The following CIT variants were observed in gnomAD, a reference collection of about 807,000 sequenced individuals.
CIT encodes the protein citron Rho-interacting kinase.
A neutral mutation model predicts 272.7 loss-of-function variants in CIT; 79 were observed. That is an observed-to-expected ratio of 0.29 (90% confidence interval 0.24 to 0.35). The LOEUF (loss-of-function observed/expected upper bound fraction) is 0.35, where lower values mean the gene tolerates loss of function less well. Ranked by LOEUF, CIT falls within the 10% of genes least tolerant of loss-of-function variation. CIT has a pLI of 1.00. For synonymous variants in CIT, 948 were observed against 995.6 expected, an observed-to-expected ratio of 0.95 and a Z score of 0.90; for missense variants, 1,909 against 2,618.3, an observed-to-expected ratio of 0.73 and a Z score of 5.91.
chr12:119,712,778 CA>C lies in CIT; in HGVS notation c.4580-84del. The C allele has an allele frequency of 1.8e-6, 2 of 1,135,488 alleles. No homozygotes were observed. The highest frequency in any genetic ancestry group is 2.6e-5 in the South Asian group (2 of 75,556). 70.3% of individuals were successfully genotyped at this position (1,135,488 alleles called of 1,614,324 possible). On this transcript the variant is annotated intron_variant, in intron 35 of 47. Transcript: ENST00000392521. The surrounding 1 kb of genome is among the most constrained non-coding windows in gnomAD (Gnocchi z 5.2). ...GGAGAAGAGAGAGCGAGAGAGACAG[CA>C]AGGGAGAGAGAGACAGGGTACGTGT...
chr12:119,784,708 G>C lies in CIT; in HGVS notation c.1401+252C>G, dbSNP rs1306147293. On this transcript the variant is annotated intron_variant, in intron 11 of 47. Transcript: ENST00000392521. The surrounding 1 kb of genome is among the most constrained non-coding windows in gnomAD (Gnocchi z 4.7). ...CCGGAAGAAGCAGACATCTGGCTGG[G>C]TCATGCTGAGAAACGGACTGTTTAA... The C allele has an allele frequency of 8.9e-6, 12 of 1,343,114 alleles. No homozygotes were observed. Among genetic ancestry groups the C allele is most frequent in the East Asian group, 3.0e-5 (1 of 33,668 alleles). The allele number at this position is 1,343,114 out of a possible 1,614,324, so 83.2% of individuals were successfully genotyped here.
intron 9 of CIT, among the ~76,000 whole-genome samples, chr12:119,822,600 AAC>A (rs1187531837): frequency 6.6e-6 from 1 of 152,108 alleles, no homozygotes; most frequent in Non-Finnish European, 1.5e-5. Context: ...AGGCCACATA[AAC>A]ACAGAGTTTG....
chr12:119,750,309 A>G (rs898133205), intron 23 of CIT, among the ~76,000 whole-genome samples: 1 of 152,100 alleles, frequency 6.6e-6, no homozygotes, highest in African/African-American at 2.4e-5. Context: ...ACTCTTATAT[A>G]TCAACTTCAT....
Position 119,690,246 on chromosome 12 carries a change from G to C in CIT, c.6091C>G (p.Arg2031Gly), listed in dbSNP as rs779338485. The C allele has an allele frequency of 6.4e-7, 1 of 1,563,798 alleles. No individual in the cohort carries two copies. Among genetic ancestry groups the C allele is most frequent in the South Asian group, 1.2e-5 (1 of 86,166 alleles). The change falls in exon 47 of 48, where the codon CGG becomes GGG. Residue 2031 changes from arginine to glycine, a missense_variant. Physicochemically the swap from Arg to Gly is moderately radical, Grantham distance 125. Coordinates refer to ENST00000392521, the MANE Select transcript of CIT (RefSeq NM_001206999.2). This position sits in a 1 kb window ranked among gnomAD's most constrained non-coding sequence, Gnocchi z 6.0. The part of the protein sequence containing the change: ...EKSPGRMLST[R>G]RERSPGRLFE... ...AGCCTCCCGGGGGACCGCTCTCTCCGCGTGCTGAGCATCCGGCCGGGGGAC... is the reference window on the plus strand; with the variant it reads ...AGCCTCCCGGGGGACCGCTCTCTCCCCGTGCTGAGCATCCGGCCGGGGGAC...
At chr12:119,851,918 A>G (rs927340090) in intron 4 of CIT, among the ~76,000 whole-genome samples, 3 of 152,144 alleles carry the variant, frequency 2.0e-5, no homozygotes, top group African/African-American at 7.2e-5. Context: ...TTACAGTCCC[A>G]GTTACTCAGG....
chr12:119,748,588 C>T (rs1191184161), intron 23 of CIT, among the ~76,000 whole-genome samples: 2 of 152,198 alleles, frequency 1.3e-5, no homozygotes, highest in Non-Finnish European at 2.9e-5. Flanking sequence ...CGATGGCTTA[C>T]TAATTAATTA....
intron 7 of CIT, among the ~76,000 whole-genome samples, chr12:119,826,152 T>A (rs1003242993): frequency 6.6e-6 from 1 of 152,156 alleles, no homozygotes; most frequent in Non-Finnish European, 1.5e-5. Flanking sequence ...AAAACTGCCT[T>A]TGGAATTAAC....
intron 7 of CIT, among the ~76,000 whole-genome samples, chr12:119,827,531 A>T (rs984673918): frequency 6.6e-6 from 1 of 151,598 alleles, no homozygotes; most frequent in Admixed American, 6.6e-5. Flanking sequence ...TCCTCCTCCC[A>T]GGTTCAAGCA....
At chr12:119,742,489 A>C (rs1959105676) in intron 23 of CIT, 25 bp from the exon 24 acceptor site, 4 of 1,578,298 alleles carry the variant, frequency 2.5e-6, no homozygotes, top group Non-Finnish European at 3.5e-6. Flanking sequence ...GTTGATTATA[A>C]ATTTTTCATA....
rs772600615 is a variant in CIT, at chr12:119,704,410, C to T, written c.5257G>A (p.Val1753Ile). Residue 1753 changes from valine to isoleucine, a missense_variant, in exon 41 of 48, where the codon GTC (valine) becomes ATC (isoleucine). By Grantham distance (29) the Val-to-Ile change is conservative (BLOSUM62 3). Transcript: ENST00000392521. The stretch of plus-strand genomic sequence containing the variant: ...AGGTTTTCGTTGTAGCGGAGAATGA[C>T]GACTTTGCTGGGCATGGCTGCACAG... The part of the protein sequence containing the change: ...CICAAMPSKV[V>I]ILRYNENLSK... 3.6e-5 allele frequency: 58 copies of T among 1,613,962 alleles called. No homozygotes were observed. The highest frequency in any genetic ancestry group is 1.7e-4 in the Middle Eastern group (1 of 6,056).
chr12:119,698,067 C>A lies in CIT; in HGVS notation c.5624-13G>T. On this transcript the variant is annotated splice_polypyrimidine_tract_variant and intron_variant, in intron 44 of 47. Transcript: ENST00000392521. ...GGTTCTCTGTAGGCTGTGTGATCACCATGCAGGCACAGTGTGGGCCAAAGA... is the reference window on the plus strand; with the variant it reads ...GGTTCTCTGTAGGCTGTGTGATCACAATGCAGGCACAGTGTGGGCCAAAGA... 1 of 1,612,100 alleles carries A rather than the reference C, an allele frequency of 6.2e-7. No homozygotes were observed. The highest frequency in any genetic ancestry group is 8.5e-7 in the Non-Finnish European group (1 of 1,178,182).
Position 119,730,612 on chromosome 12 carries a change from C to A in CIT, c.3369G>T (p.Arg1123=). ...EKQSRARADQ[R]ITESRQVVEL... Reference sequence around the variant, plus strand: ...CCACCACCTGGCGAGACTCGGTGATCCGCTGATCGGCTCTCGCCCTGCCAG... The same window carrying A: ...CCACCACCTGGCGAGACTCGGTGATACGCTGATCGGCTCTCGCCCTGCCAG... Residue 1123 remains arginine (R), a synonymous_variant, in exon 27 of 48, where the codon CGG becomes CGT. Coordinates refer to ENST00000392521, the MANE Select transcript of CIT (RefSeq NM_001206999.2). 1.2e-6 allele frequency: 2 copies of A among 1,613,980 alleles called. No homozygotes were observed.
intron 46 of CIT, among the ~76,000 whole-genome samples, chr12:119,693,614 G>T (rs963499237): frequency 1.3e-5 from 2 of 152,182 alleles, no homozygotes; most frequent in Non-Finnish European, 2.9e-5. Flanking sequence ...ACTTAAAAAA[G>T]ATCTAGACAT....
intron 24 of CIT, among the ~76,000 whole-genome samples, chr12:119,736,243 AAAG>A (rs200407374): frequency 0.015 from 2,342 of 152,332 alleles, 64 homozygotes; most frequent in African/African-American, 0.054. Context: ...TACGTAACAA[AAAG>A]AAGGAAATTA....
chr12:119,876,015 G>A (rs900122053), intron 2 of CIT, 58 bp downstream of exon 2: 4 of 1,031,982 alleles, frequency 3.9e-6, no homozygotes, highest in South Asian at 2.6e-5. Context: ...AAAGGTGAGT[G>A]ACAAGGAGAT....
rs994336778 is a variant in CIT at position 119,803,407 on chromosome 12, A to C, written c.1112-18T>G. 1 of 1,524,626 alleles carries C rather than the reference A, an allele frequency of 6.6e-7. No individual in the cohort carries two copies. The highest frequency in any genetic ancestry group is 1.3e-5 in the South Asian group (1 of 79,392). 94.4% of individuals were successfully genotyped at this position (1,524,626 alleles called of 1,614,324 possible). ...GGGAGGAGCTGGTTAAAGAAAAACA[A>C]GAAAGGAGGCGGGGAGGAAAAAAAA... On this transcript the variant is annotated intron_variant, in intron 9 of 47. Transcript: ENST00000392521.
At position 119,851,319 on chromosome 12, in the gene CIT, G is replaced by GT. The variant is rs1323423619; in HGVS notation, c.415-1045dup. Among the ~76,000 whole-genome samples, 5 of 152,288 alleles carry GT rather than the reference G, an allele frequency of 3.3e-5. No homozygotes were observed. In the East Asian group the frequency reaches 9.6e-4, roughly 29 times the overall value. On this transcript the variant is annotated intron_variant, in intron 4 of 47. Transcript: ENST00000392521. The stretch of plus-strand genomic sequence containing the variant: ...GTGTAGGTGGATATATTGTATATAC[G>GT]TATGTGTATTCCTTAGTGCTGTCCA...
chr12:119,872,172 T>C (rs951945879), intron 2 of CIT, among the ~76,000 whole-genome samples: 13 of 152,226 alleles, frequency 8.5e-5, no homozygotes, highest in African/African-American at 3.1e-4. Context: ...TTTCTTAAAA[T>C]GCCCTTTATG....
At chr12:119,792,472 T>TTTTA (rs958845894) in intron 10 of CIT, among the ~76,000 whole-genome samples, 1 of 152,104 alleles carries the variant, frequency 6.6e-6, no homozygotes, top group Non-Finnish European at 1.5e-5. Context: ...TGTGAACTTG[T>TTTTA]TTTATTTATT....
Sources: allele counts gnomAD v4.1 joint callset (sites outside exome capture counted in the v4.1 genomes callset), GRCh38; gene constraint gnomAD v4.1.1; non-coding constraint Gnocchi (gnomAD v3.1); transcripts MANE v1.5; gene names NCBI Gene and HGNC (gene_info 2026-07-23, HGNC 2026-07-21).